GOT1L1: variants seen among roughly 807,000 people sequenced by gnomAD.
GOT1L1 encodes aspartate aminotransferase, cytoplasmic 2.
GOT1L1 carries 38 observed loss-of-function variants against 43.6 expected under a neutral mutation model. The observed-to-expected ratio is 0.87, with a 90% CI of 0.67 to 1.14. GOT1L1 has a LOEUF of 1.14. Ranked by LOEUF, GOT1L1 falls within the 50% of genes most tolerant of loss-of-function variation. The pLI is 0.00. For synonymous variants in GOT1L1, 183 were observed against 187.2 expected (o/e 0.98, Z 0.18); for missense variants, 482 against 504.0 (o/e 0.96, Z 0.42).
rs1277601619 is a variant in GOT1L1 at position 37,938,685 on chromosome 8, G to T, written c.297+15C>A. 1.3e-6 allele frequency: 2 copies of T among 1,557,636 alleles called. No individual in the cohort carries two copies. The highest frequency in any genetic ancestry group is 1.7e-6 in the Non-Finnish European group (2 of 1,148,828). ...TCTGTGTCTAAATGAGCCAGGGGAG[G>T]GCCCACCTTCTCACCCTGTTCTCCA... is the stretch of plus-strand genomic sequence containing the variant. On this transcript the variant is annotated intron_variant, in intron 2 of 8. Coordinates refer to ENST00000307599, the MANE Select transcript of GOT1L1 (RefSeq NM_152413.3).
In GOT1L1 at chr8:37,935,214, T is replaced by C. The variant is rs1484947812; in HGVS notation, c.931A>G (p.Lys311Glu). The stretch of plus-strand genomic sequence containing the variant: ...TCTACAACTTCTTTTAGACTCTGCT[T>C]CCTACCAAGGAAGGACAATGAGAAA... ...LCNPALLGEW[K>E]QSLKEVVENI... The change falls in exon 8 of 9, where the codon AAG (lysine) becomes GAG (glutamate). Residue 311 changes from lysine to glutamate, a missense_variant and splice_region_variant. Transcript: ENST00000307599. 3.8e-6 allele frequency: 6 copies of C among 1,590,800 alleles called. No homozygotes were observed. Among genetic ancestry groups the C allele is most frequent in the Non-Finnish European group, 5.1e-6 (6 of 1,168,108 alleles).
Position 37,939,923 on chromosome 8 carries a change from G to T in GOT1L1, c.107C>A (p.Ala36Asp), listed in dbSNP as rs770422489. ...AACTGCTAGGCATCTACCTCTATAG[G>T]CTAAGAATATCTTGTTCGGGTAATC... ...QDDYPNKIFL[A>D]YRVCMTNEGH... Residue 36 changes from alanine (A) to aspartate (D), a missense_variant, in exon 1 of 9, where the codon GCC becomes GAC. Physicochemically the swap from Ala to Asp is moderately radical, Grantham distance 126 (BLOSUM62 -2). Coordinates refer to ENST00000307599, the MANE Select transcript of GOT1L1 (RefSeq NM_152413.3). 1.9e-5 allele frequency: 31 copies of T among 1,613,068 alleles called. No individual in the cohort carries two copies. The South Asian group carries it at 3.4e-4, about 18-fold the overall frequency.
At chr8:37,939,804 C>G (rs1807878128) in intron 1 of GOT1L1, 111 bp downstream of exon 1, 1 of 1,032,680 alleles carries the variant, frequency 9.7e-7, no homozygotes, top group African/African-American at 1.6e-5. Flanking sequence ...AAAGATCTCT[C>G]CACCCACAGA....
rs528749124 is a variant in GOT1L1 at position 37,934,615 on chromosome 8, G to A, written c.1073-129C>T. On this transcript the variant is annotated intron_variant, in intron 8 of 8. Coordinates refer to ENST00000307599, the MANE Select transcript of GOT1L1 (RefSeq NM_152413.3). Reference sequence around the variant, plus strand: ...GATGGAGTTTTGCTCTTGTTGCCCAGGCTGGAGTTCAATGGTGCAATCTTG... The same window carrying A: ...GATGGAGTTTTGCTCTTGTTGCCCAAGCTGGAGTTCAATGGTGCAATCTTG... 1.7e-3 allele frequency: 1,243 copies of A among 741,454 alleles called. 3 individuals are homozygous for A. The highest frequency in any genetic ancestry group is 2.5e-3 in the Non-Finnish European group (1,116 of 444,358). The allele number at this position is 741,454 out of a possible 1,614,324, so 45.9% of individuals were successfully genotyped here. A position where few individuals can be genotyped will look rare whatever the true frequency, so the allele number is the denominator to read the frequency against.
Position 37,937,352 on chromosome 8 carries a change from A to T in GOT1L1, c.444T>A (p.Phe148Leu). Residue 148 changes from phenylalanine (F) to leucine (L), a missense_variant, in exon 4 of 9, where the codon TTT (phenylalanine) becomes TTA (leucine). Phe to Leu is a conservative substitution (Grantham distance 22, BLOSUM62 0). Coordinates refer to ENST00000307599, the MANE Select transcript of GOT1L1 (RefSeq NM_152413.3). The stretch of plus-strand genomic sequence containing the variant: ...CCCAGACAGAGTATTCATAAACTGT[A>T]AAGCCCATGTCCTGGAAGACGAGTC... ...LHGLVFQDMG[F>L]TVYEYSVWDP... 1 of 1,609,172 alleles carries T rather than the reference A, an allele frequency of 6.2e-7. No homozygotes were observed. Among genetic ancestry groups the T allele is most frequent in the Non-Finnish European group, 8.5e-7 (1 of 1,178,052 alleles).
In GOT1L1 at chr8:37,940,011, A is replaced by C; in HGVS notation, c.19T>G (p.Phe7Val). Residue 7 changes from phenylalanine (F) to valine (V), a missense_variant, in exon 1 of 9, where the codon TTC becomes GTC. Physicochemically the swap from Phe to Val is conservative, Grantham distance 50 (BLOSUM62 -1). Coordinates refer to ENST00000307599, the MANE Select transcript of GOT1L1 (RefSeq NM_152413.3). ...TTGTGGGCGAGGGGCACATCCATGAACACTGAAAGGGTGGGCATAACTGAA... is the reference window on the plus strand; with the variant it reads ...TTGTGGGCGAGGGGCACATCCATGACCACTGAAAGGGTGGGCATAACTGAA... MPTLSV[F>V]MDVPLAHKLE... 6.2e-7 allele frequency: 1 copy of C among 1,613,418 alleles called. No homozygotes were observed. The highest frequency in any genetic ancestry group is 8.5e-7 in the Non-Finnish European group (1 of 1,179,558).
rs1331744292 is a variant in GOT1L1, at chr8:37,934,497, G to A, written c.1073-11C>T. 1.2e-6 allele frequency: 2 copies of A among 1,604,558 alleles called. No homozygotes were observed. The highest frequency in any genetic ancestry group is 1.7e-6 in the Non-Finnish European group (2 of 1,171,652). On this transcript the variant is annotated splice_polypyrimidine_tract_variant and intron_variant, in intron 8 of 8. Transcript: ENST00000307599. ...ATTCCACCTGCTGGGCTAAAATCAT[G>A]ACAAGGTCTCAGATCTCGAGACTGG...
intron 6 of GOT1L1, among the ~76,000 whole-genome samples, chr8:37,936,096 C>T (rs1807744063): frequency 6.6e-6 from 1 of 152,174 alleles, no homozygotes. Context: ...TGAAAGATCA[C>T]TAAGTTCTAC....
In GOT1L1 at chr8:37,937,335, G is replaced by A; in HGVS notation, c.461C>T (p.Ser154Phe). ...GCATAGCTTCTTGGGGTCCCAGACA[G>A]AGTATTCATAAACTGTAAAGCCCAT... ...QDMGFTVYEYSVWDPKKLCMD... is the reference protein window; with the variant it reads ...QDMGFTVYEYFVWDPKKLCMD... Residue 154 changes from serine to phenylalanine, a missense_variant, in exon 4 of 9, where the codon TCT becomes TTT. Transcript: ENST00000307599. 6.2e-7 allele frequency: 1 copy of A among 1,611,024 alleles called. No individual in the cohort carries two copies. The highest frequency in any genetic ancestry group is 8.5e-7 in the Non-Finnish European group (1 of 1,178,768).
intron 7 of GOT1L1, 121 bp downstream of exon 7, chr8:37,935,583 T>C: frequency 2.2e-6 from 2 of 920,426 alleles, no homozygotes; most frequent in Non-Finnish European, 3.1e-6. Flanking sequence ...TGTTGATGAA[T>C]GAATGGAGTA....
At chr8:37,938,093 T>C (rs1368138223) in intron 2 of GOT1L1, among the ~76,000 whole-genome samples, 1 of 150,946 alleles carries the variant, frequency 6.6e-6, no homozygotes, top group Non-Finnish European at 1.5e-5. Context: ...TAGACAGAAA[T>C]AACACTCTAA....
In GOT1L1 at chr8:37,940,052, A is replaced by T; in HGVS notation, c.-23T>A. The stretch of plus-strand genomic sequence containing the variant: ...CATAACTGAAACGAAACTGGAGCCA[A>T]GACTATGTGTCTCTGCTCCTGTGTT... On this transcript the variant is annotated 5_prime_UTR_variant, in exon 1 of 9. The change creates a new upstream start codon in the 5' untranslated region. Transcript: ENST00000307599. The T allele has an allele frequency of 6.2e-7, 1 of 1,605,538 alleles. No individual in the cohort carries two copies. Among genetic ancestry groups the T allele is most frequent in the Non-Finnish European group, 8.5e-7 (1 of 1,175,652 alleles).
At chr8:37,934,828 G>A (rs541411873) in intron 8 of GOT1L1, among the ~76,000 whole-genome samples, 14 of 151,978 alleles carry the variant, frequency 9.2e-5, no homozygotes, top group Admixed American at 2.0e-4. Flanking sequence ...CACCCGCCTC[G>A]GCCTCTCAAA....
chr8:37,937,605 A>C (rs1050482638), intron 3 of GOT1L1, 33 bp downstream of exon 3: 3 of 1,418,006 alleles, frequency 2.1e-6, no homozygotes, highest in Non-Finnish European at 9.8e-7. Flanking sequence ...AGGGACGGGG[A>C]TTGCTGTTCC....
At position 37,935,279 on chromosome 8, in the gene GOT1L1, T is replaced by C. The variant is rs1807714879; in HGVS notation, c.930-64A>G. On this transcript the variant is annotated intron_variant, in intron 7 of 8. Transcript: ENST00000307599. ...CCCCCTTGCCCTCAAACCTCCCTCA[T>C]TGCCAGTCCACTCTTCTTACCTTCA... The C allele has an allele frequency of 4.1e-6, 6 of 1,460,904 alleles. No individual in the cohort carries two copies. In the Admixed American group the frequency reaches 8.7e-5, roughly 21 times the overall value. The allele number at this position is 1,460,904 out of a possible 1,614,324, so 90.5% of individuals were successfully genotyped here.
In GOT1L1 at chr8:37,935,857, C is replaced by T; in HGVS notation, c.776G>A (p.Gly259Glu). Reference protein sequence around the residue: ...KNFGIYDEGVGMLVVVAVNNQ... With the variant: ...KNFGIYDEGVEMLVVVAVNNQ... The stretch of plus-strand genomic sequence containing the variant: ...GTTGACTGCCACCACCACTAGCATC[C>T]CCACTCCTTCATCTGCAGTGTTGGG... Residue 259 changes from glycine to glutamate, a missense_variant, in exon 7 of 9, where the codon GGG becomes GAG. By Grantham distance (98) the Gly-to-Glu change is moderately conservative. Coordinates refer to ENST00000307599, the MANE Select transcript of GOT1L1 (RefSeq NM_152413.3). 6.2e-7 allele frequency: 1 copy of T among 1,612,952 alleles called. No homozygotes were observed. Among genetic ancestry groups the T allele is most frequent in the Non-Finnish European group, 8.5e-7 (1 of 1,179,476 alleles).
chr8:37,937,601 G>C (rs763921218), intron 3 of GOT1L1, 37 bp downstream of exon 3: 2 of 1,389,278 alleles, frequency 1.4e-6, no homozygotes, highest in South Asian at 2.4e-5. Context: ...AACAAGGGAC[G>C]GGGATTGCTG....
At chr8:37,938,906 C>T (rs1417907420) in intron 1 of GOT1L1, 25 bp from the exon 2 acceptor site, 4 of 1,610,328 alleles carry the variant, frequency 2.5e-6, no homozygotes, top group South Asian at 1.1e-5. Context: ...ACAGAGGGAG[C>T]TCCAGATGCC....
chr8:37,935,607 G>T, intron 7 of GOT1L1, 97 bp downstream of exon 7: 1 of 1,135,640 alleles, frequency 8.8e-7, no homozygotes, highest in Non-Finnish European at 1.2e-6. Flanking sequence ...AGGCCACATG[G>T]GCAGGAGAGA....
Sources: allele counts gnomAD v4.1 joint callset (sites outside exome capture counted in the v4.1 genomes callset), GRCh38; gene constraint gnomAD v4.1.1; transcripts MANE v1.5; gene names NCBI Gene and HGNC (gene_info 2026-07-23, HGNC 2026-07-21).